The following MSRA variants were observed in gnomAD, a reference collection of about 807,000 sequenced individuals.
The protein encoded by MSRA is methionine sulfoxide reductase A.
In MSRA, 54 loss-of-function variants were observed where a neutral mutation model predicts 31.3. The ratio of observed to expected loss-of-function variants is 1.73; its 90% confidence interval spans 1.39 to 2.17. The LOEUF (loss-of-function observed/expected upper bound fraction) is 2.17. Ranked by LOEUF, MSRA falls within the 30% of genes most tolerant of loss-of-function variation. The pLI is 0.00. For missense variants in MSRA, 507 were observed against 300.9 expected (o/e 1.69, Z -5.07); for synonymous variants, 169 against 116.5 (o/e 1.45, Z -2.90).
intron 4 of MSRA, among the ~76,000 whole-genome samples, chr8:10,316,239 T>C (rs1801704022): frequency 1.3e-5 from 2 of 152,012 alleles, no homozygotes; most frequent in Non-Finnish European, 2.9e-5. Context: ...TTTTTTTTTT[T>C]TACTTAAATT....
intron 3 of MSRA, among the ~76,000 whole-genome samples, chr8:10,249,158 A>G (rs1043865334): frequency 1.3e-5 from 2 of 152,188 alleles, no homozygotes; most frequent in Admixed American, 1.3e-4. Context: ...TCTGATCCAT[A>G]CTCTGTAAAA....
At chr8:10,320,650 A>G (rs569451961) in intron 5 of MSRA, among the ~76,000 whole-genome samples, 1 of 152,288 alleles carries the variant, frequency 6.6e-6, no homozygotes, top group Non-Finnish European at 1.5e-5. Flanking sequence ...AAACAGTCAC[A>G]GCCTGGTTAG....
intron 1 of MSRA, among the ~76,000 whole-genome samples, chr8:10,078,537 G>C (rs115986046): frequency 6.6e-6 from 1 of 152,232 alleles, no homozygotes; most frequent in African/African-American, 2.4e-5. Flanking sequence ...GACAGCGTCT[G>C]CTTCCTGCAG....
chr8:10,097,459 T>C (rs1328898717), intron 1 of MSRA, among the ~76,000 whole-genome samples: 2 of 152,184 alleles, frequency 1.3e-5, no homozygotes, highest in African/African-American at 4.8e-5. Context: ...TACAGGATCA[T>C]TCATGCTTAT....
chr8:10,380,630 T>C (rs1806010903), intron 5 of MSRA, among the ~76,000 whole-genome samples: 1 of 152,220 alleles, frequency 6.6e-6, no homozygotes, highest in Non-Finnish European at 1.5e-5. Context: ...CTGAGGGCCA[T>C]TTTTTCATCT....
chr8:10,315,277 C>G (rs1398167656), intron 4 of MSRA, among the ~76,000 whole-genome samples: 1 of 152,126 alleles, frequency 6.6e-6, no homozygotes, highest in Non-Finnish European at 1.5e-5. Context: ...CCAAACTAAA[C>G]TAGGTTTATT....
At position 10,428,367 on chromosome 8, in the gene MSRA, T is replaced by A. The variant is rs1419640595; in HGVS notation, c.*55T>A. The A allele has an allele frequency of 7.7e-6, 12 of 1,562,742 alleles. No individual in the cohort carries two copies. The Admixed American group carries it at 2.1e-4, about 28-fold the overall frequency. On this transcript the variant is annotated 3_prime_UTR_variant, in exon 6 of 6. Transcript: ENST00000317173. ...TCCAGTAAAAATGCTTTCAACAAAT[T>A]GGGCAATGCTTGTGTGATTCACAAT...
chr8:10,100,214 C>G (rs910610109), intron 1 of MSRA, among the ~76,000 whole-genome samples: 2 of 152,130 alleles, frequency 1.3e-5, no homozygotes, highest in Non-Finnish European at 2.9e-5. Context: ...GTTGCTGAGG[C>G]CAGTTCATGT....
chr8:10,297,851 T>C (rs1800626622), intron 3 of MSRA, among the ~76,000 whole-genome samples: 1 of 152,232 alleles, frequency 6.6e-6, no homozygotes, highest in Non-Finnish European at 1.5e-5. Context: ...TGACCCCATA[T>C]TGCTGTCATG....
At chr8:10,129,153 G>C (rs187313038) in intron 1 of MSRA, among the ~76,000 whole-genome samples, 1 of 152,112 alleles carries the variant, frequency 6.6e-6, no homozygotes, top group African/African-American at 2.4e-5. Context: ...GAGTGACGGA[G>C]ACTCTGTTTT....
intron 2 of MSRA, among the ~76,000 whole-genome samples, chr8:10,217,229 C>G (rs897022580): frequency 2.0e-5 from 3 of 152,162 alleles, no homozygotes; most frequent in Non-Finnish European, 4.4e-5. Flanking sequence ...TAGGAGGACA[C>G]TATATGTACT....
intron 5 of MSRA, among the ~76,000 whole-genome samples, chr8:10,340,424 G>C (rs1041525652): frequency 6.6e-6 from 1 of 152,240 alleles, no homozygotes; most frequent in Non-Finnish European, 1.5e-5. Context: ...CCAGGCTGGA[G>C]TGCAGTGGCG....
At chr8:10,176,535 C>A (rs1444513335) in intron 1 of MSRA, among the ~76,000 whole-genome samples, 1 of 152,200 alleles carries the variant, frequency 6.6e-6, no homozygotes, top group African/African-American at 2.4e-5. Context: ...GGGTCCAGGG[C>A]TGAATGCTCA....
At chr8:10,343,388 A>G (rs180948870) in intron 5 of MSRA, among the ~76,000 whole-genome samples, 78 of 152,354 alleles carry the variant, frequency 5.1e-4, no homozygotes, top group African/African-American at 1.8e-3. Context: ...GTGGAATGCA[A>G]TCTCATAATG....
chr8:10,076,985 A>G (rs772254086), intron 1 of MSRA, among the ~76,000 whole-genome samples: 5 of 149,868 alleles, frequency 3.3e-5, no homozygotes, highest in Non-Finnish European at 7.4e-5. Flanking sequence ...AATGTGTGCC[A>G]TGGTGGTTTG....
chr8:10,409,502 T>G (rs889224050), intron 5 of MSRA, among the ~76,000 whole-genome samples: 3 of 152,212 alleles, frequency 2.0e-5, no homozygotes, highest in Non-Finnish European at 4.4e-5. Flanking sequence ...TCAGACTGCC[T>G]GGGTTGAAAT....
intron 5 of MSRA, among the ~76,000 whole-genome samples, chr8:10,417,282 C>T (rs1808517400): frequency 6.6e-6 from 1 of 152,132 alleles, no homozygotes; most frequent in Admixed American, 6.5e-5. Context: ...CTGTGGTGGC[C>T]TGGGTTTGTC....
chr8:10,211,511 G>C (rs1311856570), intron 2 of MSRA, among the ~76,000 whole-genome samples: 1 of 152,110 alleles, frequency 6.6e-6, no homozygotes, highest in South Asian at 2.1e-4. Context: ...GGAGCCCTCT[G>C]CTTGCAAGCT....
chr8:10,289,569 T>C (rs1295542956), intron 3 of MSRA, among the ~76,000 whole-genome samples: 1 of 152,212 alleles, frequency 6.6e-6, no homozygotes, highest in Non-Finnish European at 1.5e-5. Flanking sequence ...AATTATTGAC[T>C]ATAGTCACCC....
Sources: allele counts gnomAD v4.1 joint callset (sites outside exome capture counted in the v4.1 genomes callset), GRCh38; gene constraint gnomAD v4.1.1; transcripts MANE v1.5; gene names NCBI Gene and HGNC (gene_info 2026-07-23, HGNC 2026-07-21).